Variants in SSH1 observed in about 807,000 individuals in gnomAD.
SSH1 encodes protein phosphatase Slingshot homolog 1.
In SSH1, 43 loss-of-function variants were observed where a neutral mutation model predicts 79.7. That is an observed-to-expected ratio of 0.54 (90% CI 0.42 to 0.70). The LOEUF is 0.70. Among genes scored for constraint, SSH1 ranks in the 30% least tolerant of loss-of-function variants. SSH1 has a pLI of 0.00. For missense variants in SSH1, 1,206 were observed against 1,358.8 expected (o/e 0.89, Z 1.77); for synonymous variants, 599 against 538.3 (o/e 1.11, Z -1.56).
chr12:108,828,237 C>T (rs1373517200), intron 2 of SSH1, among the ~76,000 whole-genome samples: 2 of 152,138 alleles, frequency 1.3e-5, no homozygotes, highest in African/African-American at 2.4e-5. Flanking sequence ...TCTCTTCCCT[C>T]GGCTCACAAG....
At position 108,787,728 on chromosome 12, in the gene SSH1, A is replaced by T. The variant is rs772023514; in HGVS notation, c.*260T>A. 14 of 535,240 alleles carry T rather than the reference A, an allele frequency of 2.6e-5. No homozygotes were observed. The highest frequency in any genetic ancestry group is 4.4e-5 in the Non-Finnish European group (13 of 297,480). 33.2% of individuals were successfully genotyped at this position (535,240 alleles called of 1,614,324 possible). A position where few individuals can be genotyped will look rare whatever the true frequency, so the allele number is the denominator to read the frequency against. On this transcript the variant is annotated 3_prime_UTR_variant, in exon 15 of 15. Transcript: ENST00000326495. ...TCCTAAAACATGGTTCTTCTTGAAG[A>T]CACGGTGGGAGCGGAGTTTTGTGTC... is the stretch of plus-strand genomic sequence containing the variant.
chr12:108,836,147 G>A (rs190123673), intron 2 of SSH1, among the ~76,000 whole-genome samples: 452 of 151,092 alleles, frequency 3.0e-3, no homozygotes, highest in Admixed American at 4.7e-3. Flanking sequence ...GGGACAATGG[G>A]AGTCATGAAT....
intron 7 of SSH1, among the ~76,000 whole-genome samples, chr12:108,809,413 C>A (rs1339370970): frequency 6.7e-6 from 1 of 149,150 alleles, no homozygotes; most frequent in East Asian, 2.0e-4. Flanking sequence ...ACCATGATCA[C>A]ACCACTGCAC....
chr12:108,810,725 C>A (rs778752396), intron 6 of SSH1, among the ~76,000 whole-genome samples: 1 of 152,254 alleles, frequency 6.6e-6, no homozygotes, highest in East Asian at 1.9e-4. Context: ...TGCCCACACA[C>A]CTTCCTTGGG....
At chr12:108,794,078 G>A (rs1423340321) in intron 13 of SSH1, among the ~76,000 whole-genome samples, 1 of 152,238 alleles carries the variant, frequency 6.6e-6, no homozygotes, top group Non-Finnish European at 1.5e-5. Context: ...TCCACAGTTG[G>A]CCGGCCCTGT....
chr12:108,806,419 A>G (rs772469825), intron 8 of SSH1, 25 bp from the exon 9 acceptor site: 8 of 1,606,496 alleles, frequency 5.0e-6, no homozygotes, highest in Non-Finnish European at 6.8e-6. Context: ...CGTTTAGGAG[A>G]GCAAGGAGCT....
At chr12:108,789,709 A>G (rs796872406) in intron 14 of SSH1, among the ~76,000 whole-genome samples, 6 of 152,236 alleles carry the variant, frequency 3.9e-5, no homozygotes, top group African/African-American at 1.4e-4. Context: ...GGCTTCTGGG[A>G]CAAGCAGGTG....
In SSH1 at chr12:108,857,338, C is replaced by A; in HGVS notation, c.69+90G>T. 1.3e-6 allele frequency: 1 copy of A among 772,364 alleles called. No homozygotes were observed. The highest frequency in any genetic ancestry group is 1.3e-4 in the East Asian group (1 of 7,800). The allele number at this position is 772,364 out of a possible 1,614,324, so 47.8% of individuals were successfully genotyped here. The stretch of plus-strand genomic sequence containing the variant: ...GGGCCCCGAGGAGCCCGCGCAGCCG[C>A]CCCCCTGCCCCGCACGCGCGGCCCC... On this transcript the variant is annotated intron_variant, in intron 1 of 14. Coordinates refer to ENST00000326495, the MANE Select transcript of SSH1 (RefSeq NM_018984.4). The surrounding 1 kb of genome is among the most constrained non-coding windows in gnomAD (Gnocchi z 4.7).
Position 108,788,140 on chromosome 12 carries a change from T to C in SSH1, c.2998A>G (p.Thr1000Ala), listed in dbSNP as rs953842291. 15 of 1,613,970 alleles carry C rather than the reference T, an allele frequency of 9.3e-6. No homozygotes were observed. The highest frequency in any genetic ancestry group is 1.3e-5 in the Non-Finnish European group (15 of 1,180,002). Residue 1000 changes from threonine to alanine, a missense_variant, in exon 15 of 15, where the codon ACC becomes GCC. Around this residue, in one of 5 missense-constraint regions of SSH1, gnomAD observed 709 missense variants for 730.6 expected, o/e 0.97. Coordinates refer to ENST00000326495, the MANE Select transcript of SSH1 (RefSeq NM_018984.4). ...GTGGTGTCCTGGGAGTCAGCGACGGTGGACGGGTCAGCCTCACTGGACAGG... is the reference window on the plus strand; with the variant it reads ...GTGGTGTCCTGGGAGTCAGCGACGGCGGACGGGTCAGCCTCACTGGACAGG... ...EDLSSEADPSTVADSQDTTLS... is the reference protein window; with the variant it reads ...EDLSSEADPSAVADSQDTTLS...
At position 108,789,059 on chromosome 12, in the gene SSH1, G is replaced by A; in HGVS notation, c.2079C>T (p.His693=). The A allele has an allele frequency of 6.2e-7, 1 of 1,610,468 alleles. No individual in the cohort carries two copies. The highest frequency in any genetic ancestry group is 8.5e-7 in the Non-Finnish European group (1 of 1,177,184). ...CCGGAACACGGGACCTGCTGGCCAA[G>A]TGGGCCACAGGGGAGGACGTGATGT... is the stretch of plus-strand genomic sequence containing the variant. ...LPHITSSPVA[H]LASRSRVPEK... The change falls in exon 15 of 15, where the codon CAC becomes CAT. Residue 693 remains histidine, a synonymous_variant. Coordinates refer to ENST00000326495, the MANE Select transcript of SSH1 (RefSeq NM_018984.4).
chr12:108,795,571 A>G (rs2036713663), intron 13 of SSH1, among the ~76,000 whole-genome samples: 1 of 151,798 alleles, frequency 6.6e-6, no homozygotes. Flanking sequence ...GCTAAAATAC[A>G]TATAATATAA....
intron 5 of SSH1, among the ~76,000 whole-genome samples, chr12:108,814,245 G>C (rs1430454304): frequency 2.0e-5 from 3 of 152,010 alleles, no homozygotes; most frequent in African/African-American, 7.2e-5. Context: ...CAAAAACTTT[G>C]AGAGTGCGCA....
Position 108,787,840 on chromosome 12 carries a change from C to T in SSH1, c.*148G>A, listed in dbSNP as rs1350448613. ...GCATGTTGGTTAGTTTCTTCTCCTC[C>T]TCTCTATGGCAAGAGTAGGGGAAAA... On this transcript the variant is annotated 3_prime_UTR_variant, in exon 15 of 15. Coordinates refer to ENST00000326495, the MANE Select transcript of SSH1 (RefSeq NM_018984.4). The T allele has an allele frequency of 1.9e-6, 2 of 1,031,322 alleles. No individual in the cohort carries two copies. The highest frequency in any genetic ancestry group is 1.5e-5 in the South Asian group (1 of 66,742). 63.9% of individuals were successfully genotyped at this position (1,031,322 alleles called of 1,614,324 possible).
At position 108,807,687 on chromosome 12, in the gene SSH1, GCGTTCCACT is replaced by G. The variant is rs1565986400; in HGVS notation, c.668_676del (p.Glu223_Asn225del). Reference sequence around the variant, plus strand: ...CCGCGTAGACTCCAGGTCCTGCATGGCGTTCCACTCGTTGATGCAGCTCTGCTCGGAGCT... The same window carrying G: ...CCGCGTAGACTCCAGGTCCTGCATGGCGTTGATGCAGCTCTGCTCGGAGCT... On this transcript the variant is annotated inframe_deletion, in exon 8 of 15. Transcript: ENST00000326495. The surrounding 1 kb of genome is among the most constrained non-coding windows in gnomAD (Gnocchi z 5.2). 6.2e-7 allele frequency: 1 copy of G among 1,613,338 alleles called. No homozygotes were observed. The highest frequency in any genetic ancestry group is 8.5e-7 in the Non-Finnish European group (1 of 1,179,542).
intron 2 of SSH1, among the ~76,000 whole-genome samples, chr12:108,840,064 G>A (rs1438063357): frequency 1.3e-5 from 2 of 152,194 alleles, no homozygotes; most frequent in Non-Finnish European, 2.9e-5. Context: ...CTCCCGGCAT[G>A]TCCTCATTTA....
Position 108,790,706 on chromosome 12 carries a change from G to A in SSH1, c.1894-1462C>T, listed in dbSNP as rs536401662. 4.6e-5 allele frequency among the ~76,000 whole-genome samples: 7 copies of A among 152,316 alleles called. No homozygotes were observed. In the South Asian group the frequency reaches 1.5e-3, roughly 32 times the overall value. ...GGAGGTCGACAGATGCAACTGCCCA[G>A]TTTTGTTTGCATTATAACATGCTGT... On this transcript the variant is annotated intron_variant, in intron 14 of 14. Coordinates refer to ENST00000326495, the MANE Select transcript of SSH1 (RefSeq NM_018984.4).
At position 108,786,718 on chromosome 12, in the gene SSH1, C is replaced by T. The variant is rs1350315357; in HGVS notation, c.*1270G>A. On this transcript the variant is annotated 3_prime_UTR_variant, in exon 15 of 15. Transcript: ENST00000326495. Reference sequence around the variant, plus strand: ...AAACCATTCCTAGCTCACGGGGCCACATGCCATAGTTTGCTGACCCCTGAA... The same window carrying T: ...AAACCATTCCTAGCTCACGGGGCCATATGCCATAGTTTGCTGACCCCTGAA... 2 of 152,254 alleles carry T rather than the reference C, an allele frequency of 1.3e-5. No individual in the cohort carries two copies. The highest frequency in any genetic ancestry group is 2.4e-5 in the African/African-American group (1 of 41,456). The allele number at this position is 152,254 out of a possible 1,614,324, so 9.4% of individuals were successfully genotyped here. A position where few individuals can be genotyped will look rare whatever the true frequency, so the allele number is the denominator to read the frequency against.
chr12:108,811,426 G>A (rs1028843854), intron 5 of SSH1, 98 bp from the exon 6 acceptor site: 24 of 1,047,596 alleles, frequency 2.3e-5, no homozygotes, highest in African/African-American at 6.3e-5. Flanking sequence ...GCTGTTGGAC[G>A]TACGTGTGGG....
chr12:108,809,566 A>G (rs1471557233), intron 7 of SSH1, 127 bp downstream of exon 7: 4 of 797,532 alleles, frequency 5.0e-6, no homozygotes, highest in Non-Finnish European at 9.1e-6. Flanking sequence ...TTTATGTTAC[A>G]TGTATTTTGC....
Sources: gnomAD v4.1 joint callset for allele counts (sites outside exome capture counted in the v4.1 genomes callset) on GRCh38, gnomAD v4.1.1 for gene constraint, gnomAD v4.1.1 regional missense constraint, Gnocchi (gnomAD v3.1) non-coding constraint, MANE v1.5 for transcripts, NCBI Gene and HGNC (gene_info 2026-07-23, HGNC 2026-07-21) for gene names.